RABGAP1L: variants seen among roughly 807,000 people sequenced by gnomAD.
RABGAP1L encodes RAB GTPase activating protein 1 like.
RABGAP1L carries 63 observed loss-of-function variants against 137.7 expected under a neutral mutation model. The observed-to-expected ratio is 0.46, with a 90% CI of 0.37 to 0.56. The LOEUF (loss-of-function observed/expected upper bound fraction) is 0.56. RABGAP1L is among the 20% of genes least tolerant of loss of function. RABGAP1L has a pLI of 0.00. For synonymous variants in RABGAP1L, 431 were observed against 433.7 expected (o/e 0.99, Z 0.08); for missense variants, 1,095 against 1,244.0 (o/e 0.88, Z 1.80).
At chr1:174,643,279 C>T (rs889647463) in intron 14 of RABGAP1L, among the ~76,000 whole-genome samples, 3 of 152,156 alleles carry the variant, frequency 2.0e-5, no homozygotes, top group Admixed American at 2.0e-4. Flanking sequence ...TCAGGAAGCA[C>T]TTGGACAATC....
At chr1:174,533,046 AAC>A (rs1664570580) in intron 13 of RABGAP1L, among the ~76,000 whole-genome samples, 1 of 152,170 alleles carries the variant, frequency 6.6e-6, no homozygotes, top group Admixed American at 6.5e-5. Flanking sequence ...CATCCTGGCT[AAC>A]ACAGTGAAAC....
intron 5 of RABGAP1L, among the ~76,000 whole-genome samples, chr1:174,249,011 A>G (rs1005293567): frequency 2.6e-5 from 4 of 152,158 alleles, no homozygotes; most frequent in African/African-American, 9.7e-5. Context: ...GTTTGTGATG[A>G]TCTGATGCTT....
chr1:174,678,831 C>A (rs374320940), intron 14 of RABGAP1L, among the ~76,000 whole-genome samples: 3 of 152,192 alleles, frequency 2.0e-5, no homozygotes, highest in Admixed American at 1.3e-4. Flanking sequence ...AGCCTCTAGC[C>A]CAATTGGGAG....
chr1:174,328,719 G>A (rs573301917), intron 11 of RABGAP1L, among the ~76,000 whole-genome samples: 2 of 152,172 alleles, frequency 1.3e-5, no homozygotes, highest in Admixed American at 6.6e-5. Flanking sequence ...GCAGTGAGCC[G>A]AGATCATGCC....
chr1:174,609,346 T>A (rs1671013124), intron 13 of RABGAP1L, among the ~76,000 whole-genome samples: 2 of 152,188 alleles, frequency 1.3e-5, no homozygotes. Context: ...ATTTTCTTTC[T>A]TTTTATTACA....
At chr1:174,542,711 G>T (rs1383585561) in intron 13 of RABGAP1L, among the ~76,000 whole-genome samples, 1 of 152,118 alleles carries the variant, frequency 6.6e-6, no homozygotes, top group Admixed American at 6.5e-5. Flanking sequence ...GATCTTTCCT[G>T]TTTACTCTTG....
intron 11 of RABGAP1L, among the ~76,000 whole-genome samples, chr1:174,361,503 GGTTAA>G (rs1684143504): frequency 6.6e-6 from 1 of 151,692 alleles, no homozygotes; most frequent in African/African-American, 2.4e-5. Flanking sequence ...TCACTTCTTT[GGTTAA>G]GTTAATTTGT....
At chr1:174,868,640 G>A (rs1651689693) in intron 19 of RABGAP1L, among the ~76,000 whole-genome samples, 1 of 152,108 alleles carries the variant, frequency 6.6e-6, no homozygotes, top group African/African-American at 2.4e-5. Context: ...TGTTGATCAG[G>A]TTACAATAGA....
chr1:174,925,214 A>G (rs1662528902), intron 19 of RABGAP1L, among the ~76,000 whole-genome samples: 1 of 151,780 alleles, frequency 6.6e-6, no homozygotes, highest in Middle Eastern at 3.4e-3. Flanking sequence ...AAATACAAAA[A>G]ATTAGCCGGG....
intron 11 of RABGAP1L, among the ~76,000 whole-genome samples, chr1:174,347,745 C>T (rs1030822997): frequency 1.6e-4 from 24 of 152,176 alleles, no homozygotes; most frequent in Non-Finnish European, 1.9e-4. Context: ...CTGCCCGCCT[C>T]GGCCTCCCAG....
Position 174,924,385 on chromosome 1 carries a change from C to CAAAAA in RABGAP1L, c.2341-33055_2341-33051dup, listed in dbSNP as rs10688718. Among the ~76,000 whole-genome samples the CAAAAA allele has an allele frequency of 7.7e-3, 532 of 69,412 alleles. 33 individuals are homozygous for CAAAAA. Among genetic ancestry groups the CAAAAA allele is most frequent in the African/African-American group, 0.023 (363 of 16,046 alleles). 45.5% of individuals were successfully genotyped at this position (69,412 alleles called of 152,430 possible). ...GTGGTGACAGAGCAAGACTCTGTCTCAAAAAAAAAAAAAAAAAAAAAGAGA... is the reference window on the plus strand; with the variant it reads ...GTGGTGACAGAGCAAGACTCTGTCTCAAAAAAAAAAAAAAAAAAAAAAAAAAGAGA... On this transcript the variant is annotated intron_variant, in intron 19 of 25. Coordinates refer to ENST00000681986, the MANE Select transcript of RABGAP1L (RefSeq NM_001366446.1).
intron 12 of RABGAP1L, among the ~76,000 whole-genome samples, chr1:174,371,980 A>C (rs1272735168): frequency 6.6e-6 from 1 of 152,150 alleles, no homozygotes; most frequent in East Asian, 1.9e-4. Flanking sequence ...TAAAATCTGG[A>C]GATTAGGTTT....
intron 18 of RABGAP1L, among the ~76,000 whole-genome samples, chr1:174,772,262 T>A (rs1480372767): frequency 1.3e-5 from 2 of 151,848 alleles, no homozygotes; most frequent in African/African-American, 4.8e-5. Context: ...TTGTTTATTG[T>A]AGTATAATAT....
At chr1:174,662,455 C>T (rs749512565) in intron 14 of RABGAP1L, among the ~76,000 whole-genome samples, 6 of 151,890 alleles carry the variant, frequency 4.0e-5, no homozygotes, top group Non-Finnish European at 5.9e-5. Context: ...CGCACTCTGT[C>T]GCCCAGGCTG....
At chr1:174,457,666 C>G (rs1277486097) in intron 13 of RABGAP1L, among the ~76,000 whole-genome samples, 1 of 151,836 alleles carries the variant, frequency 6.6e-6, no homozygotes, top group Non-Finnish European at 1.5e-5. Context: ...CCACGCCTAG[C>G]TAATTTTTGT....
chr1:174,407,406 A>G (rs1359769646), intron 13 of RABGAP1L, among the ~76,000 whole-genome samples: 1 of 151,872 alleles, frequency 6.6e-6, no homozygotes, highest in Non-Finnish European at 1.5e-5. Context: ...TGCAGGGGTT[A>G]GTGGCTGGCT....
chr1:174,536,202 GAAA>G (rs912761768), intron 13 of RABGAP1L, among the ~76,000 whole-genome samples: 3 of 142,120 alleles, frequency 2.1e-5, no homozygotes, highest in Non-Finnish European at 4.6e-5. Context: ...AGTGTCAGGG[GAAA>G]AAAAAAAACC....
intron 19 of RABGAP1L, among the ~76,000 whole-genome samples, chr1:174,820,783 G>A (rs1473621568): frequency 6.6e-6 from 1 of 152,190 alleles, no homozygotes; most frequent in Non-Finnish European, 1.5e-5. Flanking sequence ...TTGGGAGGCT[G>A]AGGCGGGCAG....
At chr1:174,942,364 T>A (rs1028406662) in intron 19 of RABGAP1L, among the ~76,000 whole-genome samples, 10 of 152,218 alleles carry the variant, frequency 6.6e-5, no homozygotes, top group African/African-American at 2.4e-4. Flanking sequence ...GCAGTATATA[T>A]AACTAACCAA....
Sources: gnomAD v4.1 joint callset for allele counts (sites outside exome capture counted in the v4.1 genomes callset) on GRCh38, gnomAD v4.1.1 for gene constraint, MANE v1.5 for transcripts, NCBI Gene and HGNC (gene_info 2026-07-23, HGNC 2026-07-21) for gene names.